GLG1: variants seen among roughly 807,000 people sequenced by gnomAD.
GLG1 encodes the protein Golgi apparatus protein 1.
A neutral mutation model predicts 160.5 loss-of-function variants in GLG1; 38 were observed. The ratio of observed to expected loss-of-function variants is 0.24; its 90% CI spans 0.18 to 0.31. The LOEUF (loss-of-function observed/expected upper bound fraction) is 0.31, where lower values mean the gene tolerates loss of function less well. Among genes scored for constraint, GLG1 ranks in the 10% least tolerant of loss-of-function variants. The pLI, the probability that GLG1 is intolerant of heterozygous loss-of-function variation, is 1.00. For missense variants in GLG1, 1,373 were observed against 1,505.2 expected, an observed-to-expected ratio of 0.91 and a Z score of 1.45; for synonymous variants, 644 against 543.4, an observed-to-expected ratio of 1.19 and a Z score of -2.57.
rs1201778195 is a variant in GLG1, at chr16:74,459,796, AG to A, written c.3037-8del. On this transcript the variant is annotated splice_region_variant and splice_polypyrimidine_tract_variant and intron_variant, in intron 22 of 25. Transcript: ENST00000422840. Reference sequence around the variant, plus strand: ...CAGCACATAGACTGGAGATCTGTTCAGGAGACACAAAAAACAAAGCTACCCC... The same window carrying A: ...CAGCACATAGACTGGAGATCTGTTCAGAGACACAAAAAACAAAGCTACCCC... The A allele has an allele frequency of 6.7e-7, 1 of 1,486,568 alleles. No homozygotes were observed. The highest frequency in any genetic ancestry group is 1.4e-5 in the African/African-American group (1 of 70,824). The allele number at this position is 1,486,568 out of a possible 1,614,324, so 92.1% of individuals were successfully genotyped here.
At chr16:74,480,505 CA>C in intron 10 of GLG1, 111 bp from the exon 11 acceptor site, 2 of 684,966 alleles carry the variant, frequency 2.9e-6, no homozygotes, top group Non-Finnish European at 4.9e-6. Flanking sequence ...TAATCACTTC[CA>C]GGGGCGTGGA....
At chr16:74,525,255 C>T (rs2017298180) in intron 2 of GLG1, among the ~76,000 whole-genome samples, 1 of 152,198 alleles carries the variant, frequency 6.6e-6, no homozygotes, top group African/African-American at 2.4e-5. Flanking sequence ...ATTTCACATT[C>T]CACCAGCAAT....
chr16:74,603,923 A>G (rs4887777), intron 1 of GLG1, among the ~76,000 whole-genome samples: 107,687 of 151,526 alleles, frequency 0.71, 38,886 homozygotes, highest in African/African-American at 0.83. Flanking sequence ...TACATCTATT[A>G]TTTCATAGTG....
intron 1 of GLG1, among the ~76,000 whole-genome samples, chr16:74,600,456 G>A (rs1025536733): frequency 8.5e-5 from 13 of 152,058 alleles, no homozygotes; most frequent in African/African-American, 3.1e-4. Flanking sequence ...AAGAGGCCGG[G>A]TGCACTGGTT....
intron 1 of GLG1, among the ~76,000 whole-genome samples, chr16:74,581,570 T>A (rs1957938450): frequency 1.4e-5 from 2 of 148,140 alleles, no homozygotes; most frequent in Non-Finnish European, 3.0e-5. Flanking sequence ...AGGTGCTTCA[T>A]GCCTGTAATA....
chr16:74,557,551 G>A (rs1037178254), intron 1 of GLG1, among the ~76,000 whole-genome samples: 3 of 152,152 alleles, frequency 2.0e-5, no homozygotes, highest in African/African-American at 7.2e-5. Flanking sequence ...AGTTAATTCA[G>A]ATACTAGTCC....
intron 1 of GLG1, among the ~76,000 whole-genome samples, chr16:74,558,167 T>A (rs1480578618): frequency 3.3e-5 from 5 of 152,216 alleles, no homozygotes; most frequent in African/African-American, 4.8e-5. Flanking sequence ...ATTTTATATT[T>A]TGTGTTCACC....
At position 74,555,936 on chromosome 16, in the gene GLG1, C is replaced by A. The variant is rs1043963672; in HGVS notation, c.439-23783G>T. ...CTCGCTGCAGCCTCACTCTTCTGGG[C>A]TCAAGCAATCCTCCCGCCTCAGCTT... On this transcript the variant is annotated intron_variant, in intron 1 of 25. Coordinates refer to ENST00000422840, the MANE Select transcript of GLG1 (RefSeq NM_001145667.2). Among the ~76,000 whole-genome samples, 7 of 151,258 alleles carry A rather than the reference C, an allele frequency of 4.6e-5. 1 individual carries two copies. The highest frequency in any genetic ancestry group is 3.3e-4 in the Admixed American group (5 of 15,116).
chr16:74,489,807 T>C (rs1300182905), intron 8 of GLG1, among the ~76,000 whole-genome samples: 1 of 152,214 alleles, frequency 6.6e-6, no homozygotes, highest in Non-Finnish European at 1.5e-5. Context: ...ACACATGCAC[T>C]GGTGTCTACT....
intron 1 of GLG1, among the ~76,000 whole-genome samples, chr16:74,587,945 C>G (rs1274188090): frequency 2.6e-5 from 4 of 151,886 alleles, no homozygotes; most frequent in African/African-American, 9.7e-5. Flanking sequence ...AATAAAACAC[C>G]CAAATCAAAC....
chr16:74,458,915 G>A (rs2143154863), intron 23 of GLG1, among the ~76,000 whole-genome samples: 1 of 152,272 alleles, frequency 6.6e-6, no homozygotes, highest in Non-Finnish European at 1.5e-5. Flanking sequence ...GGGAGGTAAA[G>A]ATAGGCCAGA....
chr16:74,555,902 C>A (rs1415577563), intron 1 of GLG1, among the ~76,000 whole-genome samples: 2 of 150,628 alleles, frequency 1.3e-5, no homozygotes, highest in African/African-American at 4.9e-5. Flanking sequence ...TGTAGTGGCA[C>A]GATCATGGCT....
At chr16:74,589,712 CT>C (rs1958131671) in intron 1 of GLG1, among the ~76,000 whole-genome samples, 2 of 152,142 alleles carry the variant, frequency 1.3e-5, no homozygotes, top group South Asian at 4.1e-4. Context: ...CTGACTTCTG[CT>C]TTCAGTGCTC....
At chr16:74,586,736 T>C (rs1040805745) in intron 1 of GLG1, among the ~76,000 whole-genome samples, 4 of 152,112 alleles carry the variant, frequency 2.6e-5, no homozygotes, top group African/African-American at 7.2e-5. Context: ...CTCGCTATTG[T>C]TGCCCAGGCT....
intron 25 of GLG1, among the ~76,000 whole-genome samples, chr16:74,454,685 A>ACC (rs1567451851): frequency 4.9e-5 from 7 of 141,734 alleles, no homozygotes; most frequent in African/African-American, 2.0e-4. Flanking sequence ...AAAAAAAAAA[A>ACC]AAAAAAAAAA....
rs1425971901 is a variant in GLG1 at position 74,465,813 on chromosome 16, T to C, written c.2530A>G (p.Ile844Val). 1.2e-6 allele frequency: 2 copies of C among 1,613,556 alleles called. No individual in the cohort carries two copies. The highest frequency in any genetic ancestry group is 8.5e-7 in the Non-Finnish European group (1 of 1,179,608). Residue 844 changes from isoleucine (I) to valine (V), a missense_variant and splice_region_variant, in exon 19 of 26, where the codon ATT becomes GTT. Transcript: ENST00000422840. ...CSAVQYGNAQ[I>V]IECLKENKKQ... Reference sequence around the variant, plus strand: ...TTGTTTTCTTTCAGACATTCGATAATCTATGGCAAAAGAGTTATAGTCAAG... The same window carrying C: ...TTGTTTTCTTTCAGACATTCGATAACCTATGGCAAAAGAGTTATAGTCAAG...
At chr16:74,472,019 C>T (rs117162995) in intron 14 of GLG1, among the ~76,000 whole-genome samples, 312 of 152,280 alleles carry the variant, frequency 2.0e-3, no homozygotes, top group Non-Finnish European at 3.4e-3. Flanking sequence ...ATCCTCCCAC[C>T]TCTGCCCCCT....
At chr16:74,562,020 T>C (rs557738606) in intron 1 of GLG1, among the ~76,000 whole-genome samples, 21 of 152,368 alleles carry the variant, frequency 1.4e-4, no homozygotes, top group African/African-American at 4.6e-4. Flanking sequence ...TAGAGGAATT[T>C]CATTCAACTG....
intron 1 of GLG1, among the ~76,000 whole-genome samples, chr16:74,554,821 C>CA (rs2018308806): frequency 6.6e-6 from 1 of 152,122 alleles, no homozygotes; most frequent in South Asian, 2.1e-4. Context: ...GACCTACTGA[C>CA]AGATGCCCAA....
Sources: allele counts gnomAD v4.1 joint callset (sites outside exome capture counted in the v4.1 genomes callset), GRCh38; gene constraint gnomAD v4.1.1; transcripts MANE v1.5; gene names NCBI Gene and HGNC (gene_info 2026-07-23, HGNC 2026-07-21).